The following PAM variants were observed in gnomAD, a reference collection of about 807,000 sequenced individuals.
The protein encoded by PAM is peptidyl-glycine alpha-amidating monooxygenase.
Under a neutral mutation model 122.1 loss-of-function variants are expected in PAM, and 72 were observed. The ratio of observed to expected loss-of-function variants is 0.59; its 90% CI spans 0.49 to 0.72. The LOEUF (loss-of-function observed/expected upper bound fraction) is 0.72. PAM is among the 30% of genes least tolerant of loss of function. The pLI is 0.00. For synonymous variants in PAM, 389 were observed against 404.4 expected (o/e 0.96, Z 0.46); for missense variants, 1,106 against 1,183.7 (o/e 0.93, Z 0.96).
intron 15 of PAM, among the ~76,000 whole-genome samples, chr5:102,986,877 GA>G (rs1443490227): frequency 6.6e-6 from 1 of 152,166 alleles, no homozygotes; most frequent in African/African-American, 2.4e-5. Context: ...CAGCATATAA[GA>G]CATGCCTTTC....
intron 21 of PAM, among the ~76,000 whole-genome samples, chr5:103,013,913 T>C (rs1381599005): frequency 6.6e-6 from 1 of 152,166 alleles, no homozygotes; most frequent in Non-Finnish European, 1.5e-5. Context: ...AATAAGATTT[T>C]TCTAGAAATA....
intron 3 of PAM, among the ~76,000 whole-genome samples, chr5:102,895,678 C>G (rs190975344): frequency 2.0e-5 from 3 of 151,786 alleles, no homozygotes; most frequent in Admixed American, 2.0e-4. Flanking sequence ...TGGACAGACC[C>G]ATTCAAGTCT....
chr5:102,954,480 G>A (rs1401426828), intron 12 of PAM, among the ~76,000 whole-genome samples: 1 of 151,226 alleles, frequency 6.6e-6, no homozygotes, highest in African/African-American at 2.4e-5. Flanking sequence ...TTTAATATGA[G>A]ATATATTAAT....
chr5:102,907,306 C>A (rs3957818), intron 4 of PAM, among the ~76,000 whole-genome samples: 9 of 151,440 alleles, frequency 5.9e-5, no homozygotes, highest in South Asian at 2.1e-4. Context: ...TGAACTCATC[C>A]TTTTTTATGG....
At chr5:102,764,055 C>T (rs988662220) in intron 1 of PAM, among the ~76,000 whole-genome samples, 4 of 151,942 alleles carry the variant, frequency 2.6e-5, no homozygotes, top group East Asian at 3.9e-4. Flanking sequence ...GAAGATAGAT[C>T]GAAAGTGTTT....
At chr5:102,885,653 G>A (rs1219529012) in intron 3 of PAM, among the ~76,000 whole-genome samples, 1 of 152,000 alleles carries the variant, frequency 6.6e-6, no homozygotes, top group African/African-American at 2.4e-5. Flanking sequence ...GTGGCCAGAG[G>A]TGAGGAAATT....
intron 14 of PAM, among the ~76,000 whole-genome samples, chr5:102,968,227 A>T (rs1419177169): frequency 1.3e-5 from 2 of 152,130 alleles, no homozygotes. Flanking sequence ...TTATAGTAAG[A>T]TTGATAAGTT....
In PAM at chr5:103,029,249, A is replaced by C. The variant is rs1328432037; in HGVS notation, c.*184A>C. 2 of 436,870 alleles carry C rather than the reference A, an allele frequency of 4.6e-6. No individual in the cohort carries two copies. The highest frequency in any genetic ancestry group is 2.0e-5 in the African/African-American group (1 of 49,062). 27.1% of individuals were successfully genotyped at this position (436,870 alleles called of 1,614,324 possible). On this transcript the variant is annotated 3_prime_UTR_variant, in exon 26 of 26. Transcript: ENST00000438793. ...GTTTCTAGTTGAGGAGTTTCCTAAA[A>C]GTTCATAACAGTGCCATTGTCTTTA...
chr5:102,763,853 A>G (rs1207930826), intron 1 of PAM, among the ~76,000 whole-genome samples: 1 of 152,218 alleles, frequency 6.6e-6, no homozygotes, highest in Non-Finnish European at 1.5e-5. Flanking sequence ...TTTCCTCATA[A>G]GAACATAGGA....
At chr5:102,868,257 CTTTTT>C (rs949497613) in intron 3 of PAM, among the ~76,000 whole-genome samples, 1 of 151,692 alleles carries the variant, frequency 6.6e-6, no homozygotes, top group Admixed American at 6.6e-5. Flanking sequence ...TTTTTCTTTT[CTTTTT>C]TATTTTATTT....
chr5:102,885,081 C>CTATATATATATATATATATATATATA (rs72500464), intron 3 of PAM, among the ~76,000 whole-genome samples: 11 of 133,538 alleles, frequency 8.2e-5, no homozygotes, highest in African/African-American at 3.9e-4. Context: ...TGTTTAATAA[C>CTATATATATATATATATATATATATA]TATATATATA....
chr5:102,971,221 T>C (rs1219258855), intron 14 of PAM, among the ~76,000 whole-genome samples: 2 of 152,242 alleles, frequency 1.3e-5, no homozygotes, highest in Non-Finnish European at 2.9e-5. Flanking sequence ...TGCAATTAGT[T>C]TGTTTTTTCA....
intron 16 of PAM, among the ~76,000 whole-genome samples, chr5:102,996,863 A>G (rs57684079): frequency 0.023 from 3,539 of 152,296 alleles, 136 homozygotes; most frequent in African/African-American, 0.081. Flanking sequence ...GTAAATTACT[A>G]CATTTAAATG....
At chr5:103,017,957 A>G (rs747261633) in intron 22 of PAM, among the ~76,000 whole-genome samples, 2 of 152,196 alleles carry the variant, frequency 1.3e-5, no homozygotes, top group Non-Finnish European at 2.9e-5. Context: ...AATGTTGTCT[A>G]AGTATAGATT....
intron 1 of PAM, among the ~76,000 whole-genome samples, chr5:102,775,782 A>G (rs1051891519): frequency 3.3e-5 from 5 of 152,140 alleles, no homozygotes; most frequent in Admixed American, 2.6e-4. Context: ...GCTATTGTGA[A>G]TAGTGCTGCA....
At chr5:102,950,100 A>G (rs905170486) in intron 11 of PAM, 122 bp downstream of exon 11, 4 of 643,266 alleles carry the variant, frequency 6.2e-6, no homozygotes, top group Middle Eastern at 3.5e-4. Context: ...CCTTAACTGT[A>G]TAACTGAGCT....
chr5:102,787,589 T>TAAATGCCTACACTCA (rs1554062894), intron 1 of PAM, among the ~76,000 whole-genome samples: 1 of 150,586 alleles, frequency 6.6e-6, no homozygotes, highest in Non-Finnish European at 1.5e-5. Context: ...CTGTATGGTC[T>TAAATGCCTACACTCA]AAATGCCTAA....
At chr5:103,030,171 T>G (rs1786061561), downstream of PAM, 2 of 152,138 alleles carry the variant, frequency 1.3e-5, no homozygotes, top group Non-Finnish European at 2.9e-5. Context: ...GCAGAAGGAT[T>G]GTTTGAGCCC....
intron 1 of PAM, among the ~76,000 whole-genome samples, chr5:102,855,378 G>A (rs192803564): frequency 1.3e-5 from 2 of 152,256 alleles, no homozygotes; most frequent in East Asian, 3.9e-4. Context: ...AGGAAAGAGT[G>A]TGTTTATGCA....
Sources: allele counts gnomAD v4.1 joint callset (sites outside exome capture counted in the v4.1 genomes callset), GRCh38; gene constraint gnomAD v4.1.1; transcripts MANE v1.5; gene names NCBI Gene and HGNC (gene_info 2026-07-23, HGNC 2026-07-21).